Variants in CHD6 observed in about 807,000 individuals in gnomAD.
The protein encoded by CHD6 is chromodomain helicase DNA binding protein 6.
A neutral mutation model predicts 276.9 loss-of-function variants in CHD6; 50 were observed. The observed-to-expected ratio is 0.18, with a 90% CI of 0.14 to 0.23. The LOEUF is 0.23. Among genes scored for constraint, CHD6 ranks in the 10% least tolerant of loss-of-function variants. CHD6 has a pLI of 1.00. For missense variants in CHD6, 2,564 were observed against 3,365.8 expected, an observed-to-expected ratio of 0.76 and a Z score of 5.89; for synonymous variants, 1,173 against 1,229.3, an observed-to-expected ratio of 0.95 and a Z score of 0.96.
At chr20:41,585,181 A>G (rs749938910) in intron 1 of CHD6, among the ~76,000 whole-genome samples, 2 of 152,180 alleles carry the variant, frequency 1.3e-5, no homozygotes, top group African/African-American at 4.8e-5. Context: ...TAACTCCACA[A>G]AAGTGAAAGC....
intron 36 of CHD6, among the ~76,000 whole-genome samples, chr20:41,407,933 C>G (rs940812331): frequency 1.3e-5 from 2 of 152,182 alleles, no homozygotes; most frequent in Admixed American, 6.5e-5. Context: ...TCAGTACTAT[C>G]ATCATGCCTG....
chr20:41,597,930 C>T (rs2045735063), intron 1 of CHD6, among the ~76,000 whole-genome samples: 1 of 152,120 alleles, frequency 6.6e-6, no homozygotes, highest in South Asian at 2.1e-4. Flanking sequence ...TTCCCTTAGA[C>T]TTGGGATATT....
chr20:41,490,158 G>T, intron 11 of CHD6, 137 bp from the exon 12 acceptor site: 1 of 776,294 alleles, frequency 1.3e-6, no homozygotes. Flanking sequence ...ATATTAAACT[G>T]AGGTTAGTTA....
chr20:41,514,980 T>C (rs1213348590), intron 3 of CHD6, 28 bp from the exon 4 acceptor site: 1 of 1,610,778 alleles, frequency 6.2e-7, no homozygotes, highest in Non-Finnish European at 8.5e-7. Flanking sequence ...GAATTAAAAC[T>C]GTTGGGCAGT....
intron 26 of CHD6, among the ~76,000 whole-genome samples, chr20:41,439,253 G>T (rs1392073459): frequency 3.3e-5 from 5 of 152,052 alleles, no homozygotes; most frequent in African/African-American, 1.2e-4. Flanking sequence ...CTACTCAGGA[G>T]GCTGAGGCAG....
chr20:41,490,582 G>A (rs1261407645), intron 11 of CHD6, among the ~76,000 whole-genome samples: 9 of 152,256 alleles, frequency 5.9e-5, no homozygotes, highest in East Asian at 5.8e-4. Flanking sequence ...GGAGGCCAAC[G>A]CGGGCAGATC....
intron 17 of CHD6, among the ~76,000 whole-genome samples, chr20:41,468,975 T>C (rs1001633241): frequency 6.6e-6 from 1 of 152,078 alleles, no homozygotes; most frequent in African/African-American, 2.4e-5. Flanking sequence ...CTGGATAACA[T>C]AGCGAGATCC....
chr20:41,598,078 T>C lies in CHD6; in HGVS notation c.-24+20262A>G, dbSNP rs558621902. On this transcript the variant is annotated intron_variant, in intron 1 of 36. Transcript: ENST00000373233. ...AAGTCTCTGTGTATCCCTAAAACTATACAATTGTTTCACTAAAGGAAGCCC... is the reference window on the plus strand; with the variant it reads ...AAGTCTCTGTGTATCCCTAAAACTACACAATTGTTTCACTAAAGGAAGCCC... Among the ~76,000 whole-genome samples, 15 of 152,246 alleles carry C rather than the reference T, an allele frequency of 9.9e-5. No individual in the cohort carries two copies. In the East Asian group the frequency reaches 2.9e-3, roughly 29 times the overall value.
At chr20:41,453,274 G>A (rs1183665251) in intron 20 of CHD6, among the ~76,000 whole-genome samples, 1 of 152,208 alleles carries the variant, frequency 6.6e-6, no homozygotes, top group African/African-American at 2.4e-5. Flanking sequence ...AAAGACTGGA[G>A]TAGTGAAGAC....
intron 3 of CHD6, among the ~76,000 whole-genome samples, chr20:41,520,998 A>C (rs2146005057): frequency 6.6e-6 from 1 of 152,014 alleles, no homozygotes; most frequent in East Asian, 1.9e-4. Context: ...TAAACAAAAA[A>C]CCCCACAATG....
chr20:41,612,417 A>C (rs1390467810), intron 1 of CHD6, among the ~76,000 whole-genome samples: 1 of 152,208 alleles, frequency 6.6e-6, no homozygotes, highest in Non-Finnish European at 1.5e-5. Context: ...TAAATCCCTT[A>C]AGTGATATTA....
chr20:41,509,320 T>C (rs1325721736), intron 5 of CHD6, among the ~76,000 whole-genome samples: 2 of 152,156 alleles, frequency 1.3e-5, no homozygotes, highest in Non-Finnish European at 2.9e-5. Flanking sequence ...ATTGAAACTC[T>C]CCTACCTGAG....
chr20:41,417,043 T>G (rs1475754996), intron 32 of CHD6, among the ~76,000 whole-genome samples, 155 bp downstream of exon 32: 1 of 152,228 alleles, frequency 6.6e-6, no homozygotes, highest in East Asian at 1.9e-4. Context: ...AGCGCATGTA[T>G]CTTTAATGTT....
chr20:41,551,172 C>CA lies in CHD6; in HGVS notation c.33+132dup, dbSNP rs2045140074. The CA allele has an allele frequency of 6.0e-6, 4 of 664,340 alleles. No individual in the cohort carries two copies. In the South Asian group the frequency reaches 6.7e-5, roughly 11 times the overall value. The allele number at this position is 664,340 out of a possible 1,614,324, so 41.2% of individuals were successfully genotyped here. ...ATTAAGTCATTCAGAACAGAGCTCT[C>CA]AGTTACTATAATACAGGCAACAGGG... On this transcript the variant is annotated intron_variant, in intron 2 of 36. Transcript: ENST00000373233.
At chr20:41,422,639 C>T (rs2047232610) in intron 30 of CHD6, among the ~76,000 whole-genome samples, 1 of 152,192 alleles carries the variant, frequency 6.6e-6, no homozygotes, top group Non-Finnish European at 1.5e-5. Flanking sequence ...ATACACATCT[C>T]TTAGTTCTCA....
chr20:41,419,437 G>A (rs533693257), intron 31 of CHD6, among the ~76,000 whole-genome samples: 20 of 151,318 alleles, frequency 1.3e-4, no homozygotes, highest in South Asian at 1.3e-3. Context: ...TCAGTCAGAC[G>A]TGGTGGCACA....
chr20:41,499,300 G>T lies in CHD6; in HGVS notation c.910C>A (p.Gln304Lys). The part of the protein sequence containing the change: ...IEKILASKTV[Q>K]EVHPGEPPFD... ...TAGAAACATGAGCCACCAACCTCCT[G>T]GACAGTCTTAGATGCCAGGATCTTC... The change falls in exon 6 of 37, where the codon CAG (glutamine) becomes AAG (lysine). Residue 304 changes from glutamine (Q) to lysine (K), a missense_variant. By Grantham distance (53) the Gln-to-Lys change is moderately conservative. This residue lies in a region of CHD6 where 457 missense variants were observed against 889.0 expected (regional missense o/e 0.51). Transcript: ENST00000373233. The T allele has an allele frequency of 6.2e-7, 1 of 1,606,556 alleles. No homozygotes were observed. Among genetic ancestry groups the T allele is most frequent in the Non-Finnish European group, 8.5e-7 (1 of 1,176,026 alleles).
At chr20:41,444,454 C>A (rs183123022) in intron 25 of CHD6, among the ~76,000 whole-genome samples, 1 of 152,298 alleles carries the variant, frequency 6.6e-6, no homozygotes, top group East Asian at 1.9e-4. Flanking sequence ...GTAGTTCTAC[C>A]GGACAGCACC....
At chr20:41,418,691 C>A (rs2047083020) in intron 31 of CHD6, among the ~76,000 whole-genome samples, 1 of 152,080 alleles carries the variant, frequency 6.6e-6, no homozygotes, top group African/African-American at 2.4e-5. Context: ...AATTACTGCT[C>A]CTTCAGGACT....
Sources: gnomAD v4.1 joint callset for allele counts (sites outside exome capture counted in the v4.1 genomes callset) on GRCh38, gnomAD v4.1.1 for gene constraint, gnomAD v4.1.1 regional missense constraint, MANE v1.5 for transcripts, NCBI Gene and HGNC (gene_info 2026-07-23, HGNC 2026-07-21) for gene names.